TET1: variants seen among roughly 807,000 people sequenced by gnomAD.
TET1 encodes tet methylcytosine dioxygenase 1, also known as methylcytosine dioxygenase TET1.
A neutral mutation model predicts 148.7 loss-of-function variants in TET1; 13 were observed. The ratio of observed to expected loss-of-function variants is 0.09; its 90% CI spans 0.06 to 0.14. The LOEUF is 0.14. TET1 is among the 10% of genes least tolerant of loss of function. The pLI is 1.00. For missense variants in TET1, 2,182 were observed against 2,553.8 expected, an observed-to-expected ratio of 0.85 and a Z score of 3.14; for synonymous variants, 907 against 937.2, an observed-to-expected ratio of 0.97 and a Z score of 0.59.
At chr10:68,624,480 G>A (rs147615292) in intron 3 of TET1, among the ~76,000 whole-genome samples, 247 of 151,822 alleles carry the variant, frequency 1.6e-3, no homozygotes, top group African/African-American at 5.8e-3. Context: ...GTAGAGGCAG[G>A]GTTTCTCCAT....
At chr10:68,613,222 G>A (rs1239387192) in intron 3 of TET1, among the ~76,000 whole-genome samples, 1 of 152,050 alleles carries the variant, frequency 6.6e-6, no homozygotes, top group Non-Finnish European at 1.5e-5. Flanking sequence ...TTTTAATTTG[G>A]TTAACTTTTC....
intron 8 of TET1, among the ~76,000 whole-genome samples, chr10:68,674,190 C>T (rs566672405): frequency 6.6e-5 from 10 of 152,022 alleles, no homozygotes; most frequent in East Asian, 3.9e-4. Flanking sequence ...TCTCGAACTC[C>T]GGATCTCAGG....
intron 2 of TET1, among the ~76,000 whole-genome samples, chr10:68,581,850 G>A (rs1350636607): frequency 2.0e-5 from 3 of 146,768 alleles, no homozygotes; most frequent in South Asian, 2.2e-4. Context: ...AAAAAAAAAA[G>A]GAAAGCAATC....
At chr10:68,658,759 C>T (rs1400738382) in intron 6 of TET1, among the ~76,000 whole-genome samples, 1 of 152,060 alleles carries the variant, frequency 6.6e-6, no homozygotes, top group Non-Finnish European at 1.5e-5. Flanking sequence ...TTCTTAGATG[C>T]ACCTTAGATG....
At chr10:68,582,378 G>A (rs1590167932) in intron 2 of TET1, among the ~76,000 whole-genome samples, 1 of 152,256 alleles carries the variant, frequency 6.6e-6, no homozygotes, top group African/African-American at 2.4e-5. Context: ...TTACAGGCAT[G>A]AGCCACCGCA....
chr10:68,691,770 T>C lies in TET1; in HGVS notation c.6367T>C (p.Tyr2123His). The change falls in exon 12 of 12, where the codon TAT becomes CAT. Residue 2123 changes from tyrosine (Y) to histidine (H), a missense_variant. Physicochemically the swap from Tyr to His is moderately conservative, Grantham distance 83. Around this residue, in one of 11 missense-constraint regions of TET1, gnomAD observed 20 missense variants for 42.3 expected, o/e 0.47. Transcript: ENST00000373644. This position sits in a 1 kb window ranked among gnomAD's most constrained non-coding sequence, Gnocchi z 4.4. ...THDNVVTVSP[Y>H]ALTHVAGPYN... The stretch of plus-strand genomic sequence containing the variant: ...TGACAATGTTGTCACCGTGTCCCCT[T>C]ATGCTCTCACACACGTTGCGGGGCC... 1 of 1,613,916 alleles carries C rather than the reference T, an allele frequency of 6.2e-7. No individual in the cohort carries two copies.
intron 6 of TET1, among the ~76,000 whole-genome samples, chr10:68,659,458 A>G (rs977207222): frequency 2.0e-5 from 3 of 152,030 alleles, no homozygotes; most frequent in Admixed American, 6.6e-5. Context: ...AGCTGGGATT[A>G]CAGGCGTGTG....
intron 6 of TET1, among the ~76,000 whole-genome samples, chr10:68,661,196 ATTTTTTTTTTTTTTTTTTTT>A (rs974912892): frequency 1.3e-5 from 1 of 78,628 alleles, no homozygotes; most frequent in Non-Finnish European, 2.3e-5. Flanking sequence ...CGCCTGGCTA[ATTTTTTTTTTTTTTTTTTTT>A]TTTTTGTAGT....
chr10:68,684,375 C>CTTT lies in TET1; in HGVS notation c.5052+1416_5052+1418dup, dbSNP rs5785868. Among the ~76,000 whole-genome samples, 537 of 139,456 alleles carry CTTT rather than the reference C, an allele frequency of 3.9e-3. 9 individuals carry two copies. Among genetic ancestry groups the CTTT allele is most frequent in the African/African-American group, 0.013 (480 of 38,110 alleles). The allele number at this position is 139,456 out of a possible 152,430, so 91.5% of individuals were successfully genotyped here. On this transcript the variant is annotated intron_variant, in intron 10 of 11. Coordinates refer to ENST00000373644, the MANE Select transcript of TET1 (RefSeq NM_030625.3). ...TTGGTGATAGATTAAGCCACAACAA[C>CTTT]TTTTTTTTTTTTTTTTGCGTATCAT...
chr10:68,575,412 A>AATAT (rs2053716865), intron 2 of TET1, among the ~76,000 whole-genome samples: 1 of 151,934 alleles, frequency 6.6e-6, no homozygotes, highest in Non-Finnish European at 1.5e-5. Context: ...TAAATAAATA[A>AATAT]ATAAATAAAG....
At chr10:68,606,146 C>T (rs1164990270) in intron 3 of TET1, among the ~76,000 whole-genome samples, 1 of 152,152 alleles carries the variant, frequency 6.6e-6, no homozygotes. Context: ...ATGAGTGGAT[C>T]ACTTGAGGTC....
chr10:68,605,485 C>T (rs182742615), intron 3 of TET1, among the ~76,000 whole-genome samples: 69 of 152,216 alleles, frequency 4.5e-4, no homozygotes, highest in Non-Finnish European at 6.6e-4. Flanking sequence ...CTTAACATTC[C>T]CATCATTTAT....
At chr10:68,585,837 G>A (rs2053854882) in intron 2 of TET1, among the ~76,000 whole-genome samples, 1 of 151,644 alleles carries the variant, frequency 6.6e-6, no homozygotes, top group African/African-American at 2.4e-5. Context: ...GTGAAACCCC[G>A]TCTCCACTAA....
chr10:68,678,577 C>A (rs1302100700), intron 8 of TET1, among the ~76,000 whole-genome samples: 1 of 151,876 alleles, frequency 6.6e-6, no homozygotes. Context: ...TGGTGAAACT[C>A]CGTCTCCACT....
At chr10:68,576,001 CAG>C (rs1368002334) in intron 2 of TET1, among the ~76,000 whole-genome samples, 1 of 140,492 alleles carries the variant, frequency 7.1e-6, no homozygotes, top group Non-Finnish European at 1.5e-5. Flanking sequence ...GCCTGGGTGA[CAG>C]AGTGAGACTC....
chr10:68,598,362 G>A (rs1180182765), intron 2 of TET1, among the ~76,000 whole-genome samples: 4 of 152,190 alleles, frequency 2.6e-5, no homozygotes, highest in Non-Finnish European at 5.9e-5. Flanking sequence ...TTGCATCTAG[G>A]CGACAAGAGT....
intron 3 of TET1, among the ~76,000 whole-genome samples, chr10:68,624,424 G>A (rs2054422207): frequency 6.6e-6 from 1 of 152,060 alleles, no homozygotes; most frequent in South Asian, 2.1e-4. Flanking sequence ...CGAGTAGCTG[G>A]GATTACAGGC....
intron 2 of TET1, among the ~76,000 whole-genome samples, chr10:68,579,860 C>T (rs2053771976): frequency 6.6e-6 from 1 of 152,100 alleles, no homozygotes; most frequent in African/African-American, 2.4e-5. Flanking sequence ...CCTCAGTCTC[C>T]AGGCCCAAGT....
rs1564991101 is a variant in TET1 at position 68,646,735 on chromosome 10, A to G, written c.4006A>G (p.Thr1336Ala). Residue 1336 changes from threonine (T) to alanine (A), a missense_variant, in exon 4 of 12, where the codon ACA becomes GCA. Thr to Ala is a moderately conservative substitution (Grantham distance 58). Coordinates refer to ENST00000373644, the MANE Select transcript of TET1 (RefSeq NM_030625.3). ...GCAACTCATGCATCAGAGACTGCCAACATTGCCTGGTATCTCTCATGAAAC... is the reference window on the plus strand; with the variant it reads ...GCAACTCATGCATCAGAGACTGCCAGCATTGCCTGGTATCTCTCATGAAAC... Reference protein sequence around the residue: ...KEQLMHQRLPTLPGISHETPL... With the variant: ...KEQLMHQRLPALPGISHETPL... 6.2e-7 allele frequency: 1 copy of G among 1,614,172 alleles called. No individual in the cohort carries two copies. The highest frequency in any genetic ancestry group is 8.5e-7 in the Non-Finnish European group (1 of 1,180,026).
Sources: gnomAD v4.1 joint callset for allele counts (sites outside exome capture counted in the v4.1 genomes callset) on GRCh38, gnomAD v4.1.1 for gene constraint, gnomAD v4.1.1 regional missense constraint, Gnocchi (gnomAD v3.1) non-coding constraint, MANE v1.5 for transcripts, NCBI Gene and HGNC (gene_info 2026-07-23, HGNC 2026-07-21) for gene names.